Variants in GAP43 observed in about 807,000 individuals in gnomAD.
GAP43 encodes growth associated protein 43.
Under a neutral mutation model 18.6 loss-of-function variants are expected in GAP43, and 6 were observed. The ratio of observed to expected loss-of-function variants is 0.32; its 90% confidence interval spans 0.18 to 0.64. The LOEUF (loss-of-function observed/expected upper bound fraction) is 0.64, where lower values mean the gene tolerates loss of function less well. Among genes scored for constraint, GAP43 ranks in the 30% least tolerant of loss-of-function variants. The pLI, the probability that GAP43 is intolerant of heterozygous loss-of-function variation, is 0.78. For synonymous variants in GAP43, 115 were observed against 111.4 expected (o/e 1.03, Z -0.20); for missense variants, 292 against 295.5 (o/e 0.99, Z 0.09).
At chr3:115,679,501 T>G (rs145506387) in intron 2 of GAP43, among the ~76,000 whole-genome samples, 157 of 152,256 alleles carry the variant, frequency 1.0e-3, no homozygotes, top group African/African-American at 3.3e-3. Context: ...GACCAAAACA[T>G]TTCAGCGCAC....
Position 115,663,734 on chromosome 3 carries a change from A to G in GAP43, c.31-12279A>G, listed in dbSNP as rs28399375. On this transcript the variant is annotated intron_variant, in intron 1 of 2. Coordinates refer to ENST00000305124, the MANE Select transcript of GAP43 (RefSeq NM_002045.4). Reference sequence around the variant, plus strand: ...AATTGGACTGACAGCTCTACAGCCTAGTCTTTTAGACAGTGAACTAGGCCA... The same window carrying G: ...AATTGGACTGACAGCTCTACAGCCTGGTCTTTTAGACAGTGAACTAGGCCA... 7.5e-4 allele frequency: 1,168 copies of G among 1,547,158 alleles called. 13 individuals carry two copies. In the African/African-American group the frequency reaches 0.015, roughly 20 times the overall value.
chr3:115,704,031 G>C (rs566722341), intron 2 of GAP43, among the ~76,000 whole-genome samples: 1 of 152,140 alleles, frequency 6.6e-6, no homozygotes, highest in African/African-American at 2.4e-5. Context: ...ACCATAATTT[G>C]ACAGGCCCCA....
intron 2 of GAP43, among the ~76,000 whole-genome samples, chr3:115,683,144 C>T (rs1385134548): frequency 6.5e-5 from 7 of 108,190 alleles, no homozygotes; most frequent in East Asian, 2.3e-4. Context: ...TGCGCGCGCG[C>T]GCGCACACAC....
At chr3:115,706,647 T>C (rs910339076) in intron 2 of GAP43, among the ~76,000 whole-genome samples, 7 of 152,246 alleles carry the variant, frequency 4.6e-5, no homozygotes, top group African/African-American at 1.7e-4. Flanking sequence ...TCTTCTTTGC[T>C]GCCCTTCAAG....
In GAP43 at chr3:115,674,585, A is replaced by G. The variant is rs190106192; in HGVS notation, c.31-1428A>G. On this transcript the variant is annotated intron_variant, in intron 1 of 2. Transcript: ENST00000305124. The stretch of plus-strand genomic sequence containing the variant: ...AATACGAACACATTTTAGGTTCCCA[A>G]TTGCTTTGGGAATAAAGAATTGTGA... Among the ~76,000 whole-genome samples, 196 of 152,304 alleles carry G rather than the reference A, an allele frequency of 1.3e-3. 1 individual carries two copies. The highest frequency in any genetic ancestry group is 3.7e-3 in the African/African-American group (153 of 41,558).
intron 2 of GAP43, among the ~76,000 whole-genome samples, chr3:115,701,200 AT>A (rs1235290244): frequency 3.3e-5 from 5 of 152,098 alleles, no homozygotes; most frequent in Non-Finnish European, 7.4e-5. Context: ...TGGGAACAGA[AT>A]GATATGTTAA....
intron 2 of GAP43, among the ~76,000 whole-genome samples, chr3:115,693,893 G>A (rs1305277836): frequency 2.0e-5 from 3 of 152,070 alleles, no homozygotes; most frequent in Non-Finnish European, 4.4e-5. Flanking sequence ...GGACATGGAG[G>A]TCTGCTGCTG....
At chr3:115,658,715 G>A (rs897091650) in intron 1 of GAP43, 2 of 152,212 alleles carry the variant, frequency 1.3e-5, no homozygotes, top group Non-Finnish European at 2.9e-5. Flanking sequence ...CTTGCTCCCC[G>A]AACACCCGGG....
chr3:115,719,626 G>A (rs1286172137), intron 2 of GAP43, among the ~76,000 whole-genome samples: 2 of 152,188 alleles, frequency 1.3e-5, no homozygotes, highest in Non-Finnish European at 2.9e-5. Context: ...GACTCCATGG[G>A]GAGAAGACTC....
intron 2 of GAP43, among the ~76,000 whole-genome samples, chr3:115,680,821 T>C (rs1442665259): frequency 6.6e-6 from 1 of 152,236 alleles, no homozygotes; most frequent in African/African-American, 2.4e-5. Context: ...TATTTCTGAA[T>C]TTAAAAAATT....
At chr3:115,635,527 A>T (rs1708317546) in intron 1 of GAP43, among the ~76,000 whole-genome samples, 4 of 152,098 alleles carry the variant, frequency 2.6e-5, no homozygotes. Flanking sequence ...GGAGAAGGAG[A>T]CTAGAGTTAT....
chr3:115,689,584 C>T (rs370447765), intron 2 of GAP43, among the ~76,000 whole-genome samples: 53 of 152,206 alleles, frequency 3.5e-4, no homozygotes, highest in African/African-American at 1.3e-3. Context: ...TTTCCATGAC[C>T]CATTTCTAAA....
chr3:115,635,605 T>C (rs1708318482), intron 1 of GAP43, among the ~76,000 whole-genome samples: 1 of 151,872 alleles, frequency 6.6e-6, no homozygotes, highest in South Asian at 2.1e-4. Context: ...GGATCGTTAA[T>C]GACCACAGAT....
At chr3:115,683,188 C>CACAT (rs1553723512) in intron 2 of GAP43, among the ~76,000 whole-genome samples, 1 of 145,056 alleles carries the variant, frequency 6.9e-6, no homozygotes, top group Non-Finnish European at 1.5e-5. Context: ...CACACACACA[C>CACAT]GACAATCTTG....
At chr3:115,685,971 C>T (rs772262457) in intron 2 of GAP43, among the ~76,000 whole-genome samples, 17 of 152,182 alleles carry the variant, frequency 1.1e-4, no homozygotes, top group Non-Finnish European at 2.4e-4. Context: ...CAGCGGCATG[C>T]TGGTAAACTG....
intron 1 of GAP43, among the ~76,000 whole-genome samples, chr3:115,665,735 C>A (rs1450690268): frequency 6.6e-6 from 1 of 151,976 alleles, no homozygotes; most frequent in Non-Finnish European, 1.5e-5. Flanking sequence ...TACTAACTAT[C>A]CAGTGGGGGT....
chr3:115,656,475 T>C (rs974334657), intron 1 of GAP43, among the ~76,000 whole-genome samples: 2 of 152,172 alleles, frequency 1.3e-5, no homozygotes, highest in Non-Finnish European at 2.9e-5. Context: ...AACCTATGAA[T>C]TGGATTTAAA....
At chr3:115,629,761 A>T (rs1166642070) in intron 1 of GAP43, among the ~76,000 whole-genome samples, 1 of 152,148 alleles carries the variant, frequency 6.6e-6, no homozygotes, top group African/African-American at 2.4e-5. Context: ...AACTCATGTT[A>T]ACCATGAATA....
chr3:115,634,697 G>A (rs1024313281), intron 1 of GAP43, among the ~76,000 whole-genome samples: 1 of 152,048 alleles, frequency 6.6e-6, no homozygotes, highest in Non-Finnish European at 1.5e-5. Flanking sequence ...TTCAGCCTAG[G>A]AGGTATAGGC....
Sources: allele counts gnomAD v4.1 joint callset (sites outside exome capture counted in the v4.1 genomes callset), GRCh38; gene constraint gnomAD v4.1.1; transcripts MANE v1.5; gene names NCBI Gene and HGNC (gene_info 2026-07-23, HGNC 2026-07-21).